The following MAP3K7 variants were observed in gnomAD, a reference collection of about 807,000 sequenced individuals.
MAP3K7 encodes the protein mitogen-activated protein kinase kinase kinase 7, also known as TGF-beta activated kinase 1.
Under a neutral mutation model 84.8 loss-of-function variants are expected in MAP3K7, and 21 were observed. That is an observed-to-expected ratio of 0.25 (90% CI 0.18 to 0.36). MAP3K7 has a LOEUF of 0.36. Ranked by LOEUF, MAP3K7 falls within the 10% of genes least tolerant of loss-of-function variation. The pLI, the probability that MAP3K7 is intolerant of heterozygous loss-of-function variation, is 1.00. For missense variants in MAP3K7, 503 were observed against 747.7 expected, an observed-to-expected ratio of 0.67 and a Z score of 3.82; for synonymous variants, 241 against 247.7, an observed-to-expected ratio of 0.97 and a Z score of 0.25.
At chr6:90,566,973 C>T (rs187165316) in intron 3 of MAP3K7, among the ~76,000 whole-genome samples, 7 of 148,132 alleles carry the variant, frequency 4.7e-5, no homozygotes, top group African/African-American at 9.9e-5. Context: ...AAGGATTCCC[C>T]ATTTAATAAA....
rs1326852449 is a variant in MAP3K7 at position 90,560,168 on chromosome 6, T to G, written c.390A>C (p.Ala130=). Reference sequence around the variant, plus strand: ...GGGAACACTGTAAACACCAACTCATTGCGTGGGCAGCAGTATAATATGGCA... The same window carrying G: ...GGGAACACTGTAAACACCAACTCATGGCGTGGGCAGCAGTATAATATGGCA... The part of the protein sequence containing the change: ...EPLPYYTAAH[A]MSWCLQCSQG... The change falls in exon 5 of 17, where the codon GCA becomes GCC. Residue 130 remains alanine, a synonymous_variant. Coordinates refer to ENST00000369329, the MANE Select transcript of MAP3K7 (RefSeq NM_145331.3). 6.2e-7 allele frequency: 1 copy of G among 1,614,166 alleles called. No individual in the cohort carries two copies. Among genetic ancestry groups the G allele is most frequent in the South Asian group, 1.1e-5 (1 of 91,086 alleles).
chr6:90,579,341 T>G (rs1777190291), intron 1 of MAP3K7, among the ~76,000 whole-genome samples: 1 of 152,180 alleles, frequency 6.6e-6, no homozygotes, highest in South Asian at 2.1e-4. Context: ...AACAATCCCT[T>G]CTCTGCCTGT....
At chr6:90,567,995 T>C (rs1328542888) in intron 3 of MAP3K7, among the ~76,000 whole-genome samples, 3 of 152,106 alleles carry the variant, frequency 2.0e-5, no homozygotes, top group Non-Finnish European at 2.9e-5. Context: ...TTCTCACTCA[T>C]AGATGGGAAC....
chr6:90,562,459 C>T (rs1185118022), intron 3 of MAP3K7, among the ~76,000 whole-genome samples: 5 of 152,188 alleles, frequency 3.3e-5, no homozygotes, highest in East Asian at 1.9e-4. Context: ...CCCATGCCCA[C>T]GGTGCCTCAC....
intron 1 of MAP3K7, among the ~76,000 whole-genome samples, chr6:90,578,608 A>T (rs1777164333): frequency 6.6e-6 from 1 of 152,186 alleles, no homozygotes; most frequent in South Asian, 2.1e-4. Flanking sequence ...AACAAAAAAG[A>T]GTATAAGCAT....
intron 12 of MAP3K7, among the ~76,000 whole-genome samples, chr6:90,538,654 C>A (rs1020304924): frequency 1.3e-5 from 2 of 151,780 alleles, no homozygotes; most frequent in Non-Finnish European, 2.9e-5. Context: ...TCCTGCCCAC[C>A]GCAAATAGAA....
In MAP3K7 at chr6:90,544,686, G is replaced by T; in HGVS notation, c.1211-54C>A. ...TGCAAACAACCACAAACAGTAACACGGAAAATGATTAACTACAAAAATAGA... is the reference window on the plus strand; with the variant it reads ...TGCAAACAACCACAAACAGTAACACTGAAAATGATTAACTACAAAAATAGA... On this transcript the variant is annotated intron_variant, in intron 11 of 16. Transcript: ENST00000369329. The T allele has an allele frequency of 7.2e-7, 1 of 1,385,508 alleles. No individual in the cohort carries two copies. Among genetic ancestry groups the T allele is most frequent in the Non-Finnish European group, 1.0e-6 (1 of 974,648 alleles). 85.8% of individuals were successfully genotyped at this position (1,385,508 alleles called of 1,614,324 possible).
intron 14 of MAP3K7, among the ~76,000 whole-genome samples, chr6:90,519,677 T>G (rs1467775305): frequency 6.6e-6 from 1 of 151,986 alleles, no homozygotes; most frequent in Non-Finnish European, 1.5e-5. Flanking sequence ...ACTCCCCATC[T>G]CTTTTCTTTA....
chr6:90,586,717 G>C (rs763397234), intron 1 of MAP3K7, 47 bp downstream of exon 1: 95 of 1,542,960 alleles, frequency 6.2e-5, no homozygotes, highest in Non-Finnish European at 8.0e-5. Context: ...GCAGAGGCGG[G>C]GGCGGGGCAG....
chr6:90,579,052 T>C (rs1777180212), intron 1 of MAP3K7, among the ~76,000 whole-genome samples: 1 of 152,158 alleles, frequency 6.6e-6, no homozygotes, highest in African/African-American at 2.4e-5. Flanking sequence ...ATGTAATTAG[T>C]AAATCAGAGT....
rs1288875091 is a variant in MAP3K7, at chr6:90,552,198, G to A, written c.737-19C>T. ...CGAGTACCTACAATTGAAAATGAGA[G>A]GAAGGGGGGAAGAATGTATTTACCC... On this transcript the variant is annotated intron_variant, in intron 7 of 16. Transcript: ENST00000369329. The A allele has an allele frequency of 1.3e-6, 2 of 1,581,540 alleles. No individual in the cohort carries two copies. The highest frequency in any genetic ancestry group is 2.3e-5 in the East Asian group (1 of 44,298).
chr6:90,560,043 G>C (rs750019216), intron 5 of MAP3K7, 33 bp downstream of exon 5: 1 of 1,613,776 alleles, frequency 6.2e-7, no homozygotes, highest in South Asian at 1.1e-5. Flanking sequence ...GAAGGAGGAA[G>C]AGGCTGAGGG....
chr6:90,539,125 T>C (rs1775772480), intron 12 of MAP3K7, among the ~76,000 whole-genome samples: 1 of 151,940 alleles, frequency 6.6e-6, no homozygotes, highest in Non-Finnish European at 1.5e-5. Context: ...AATTTTAAAA[T>C]ATATGTTCTA....
At chr6:90,578,700 TC>T (rs1389265646) in intron 1 of MAP3K7, among the ~76,000 whole-genome samples, 1 of 152,036 alleles carries the variant, frequency 6.6e-6, no homozygotes, top group African/African-American at 2.4e-5. Flanking sequence ...TTGCTCTCCT[TC>T]CCCCCATTCT....
Position 90,587,055 on chromosome 6 carries a change from TC to T in MAP3K7, c.-173del. The T allele has an allele frequency of 1.4e-6, 1 of 736,452 alleles. No individual in the cohort carries two copies. Among genetic ancestry groups the T allele is most frequent in the East Asian group, 3.5e-5 (1 of 28,388 alleles). The allele number at this position is 736,452 out of a possible 1,614,324, so 45.6% of individuals were successfully genotyped here. On this transcript the variant is annotated 5_prime_UTR_variant, in exon 1 of 17. Transcript: ENST00000369329. ...GGCCACAGCCGTGTCCGGCTCTGGC[TC>T]CGCTGCGTTTTCCGCCGACGGGCCC...
At chr6:90,547,718 A>G (rs1776048636) in intron 10 of MAP3K7, among the ~76,000 whole-genome samples, 1 of 152,178 alleles carries the variant, frequency 6.6e-6, no homozygotes, top group South Asian at 2.1e-4. Flanking sequence ...AACAGCATGA[A>G]ATGATAGACT....
At chr6:90,521,554 A>G (rs1054565603) in intron 14 of MAP3K7, among the ~76,000 whole-genome samples, 1 of 152,088 alleles carries the variant, frequency 6.6e-6, no homozygotes, top group Non-Finnish European at 1.5e-5. Context: ...CAAAACACTC[A>G]GCTTGTACTA....
intron 2 of MAP3K7, among the ~76,000 whole-genome samples, chr6:90,569,920 T>C (rs958365246): frequency 1.3e-5 from 2 of 152,208 alleles, no homozygotes; most frequent in African/African-American, 4.8e-5. Context: ...TCATATTCAG[T>C]ACACTAATGT....
intron 15 of MAP3K7, 37 bp from the exon 16 acceptor site, chr6:90,518,599 C>A: frequency 1.9e-6 from 2 of 1,080,228 alleles, no homozygotes; most frequent in South Asian, 2.6e-5. Flanking sequence ...ATAATTAAAT[C>A]AAATTTCAAT....
Sources: gnomAD v4.1 joint callset for allele counts (sites outside exome capture counted in the v4.1 genomes callset) on GRCh38, gnomAD v4.1.1 for gene constraint, MANE v1.5 for transcripts, NCBI Gene and HGNC (gene_info 2026-07-23, HGNC 2026-07-21) for gene names.